Variants in ZMYM1 observed in about 807,000 individuals in gnomAD.
ZMYM1 encodes the protein zinc finger MYM-type containing 1.
ZMYM1 carries 39 observed loss-of-function variants against 60.0 expected under a neutral mutation model. That is an observed-to-expected ratio of 0.65 (90% CI 0.50 to 0.85). The LOEUF (loss-of-function observed/expected upper bound fraction) is 0.85, where lower values mean the gene tolerates loss of function less well. Among genes scored for constraint, ZMYM1 ranks in the 40% least tolerant of loss-of-function variants. ZMYM1 has a pLI of 0.00. For synonymous variants in ZMYM1, 413 were observed against 454.0 expected, an observed-to-expected ratio of 0.91 and a Z score of 1.15; for missense variants, 1,171 against 1,309.5, an observed-to-expected ratio of 0.89 and a Z score of 1.63.
chr1:35,085,394 G>T (rs1400771477), intron 1 of ZMYM1, among the ~76,000 whole-genome samples: 1 of 152,204 alleles, frequency 6.6e-6, no homozygotes, highest in Non-Finnish European at 1.5e-5. Flanking sequence ...CTGGAGCTCA[G>T]TTGGTTTCCA....
intron 1 of ZMYM1, among the ~76,000 whole-genome samples, chr1:35,063,261 G>A (rs1641907976): frequency 1.3e-5 from 2 of 151,778 alleles, no homozygotes; most frequent in African/African-American, 2.4e-5. Flanking sequence ...AGAGTAGCTG[G>A]GACTACAGGA....
At chr1:35,061,233 G>A (rs1020276182) in intron 1 of ZMYM1, among the ~76,000 whole-genome samples, 5 of 152,200 alleles carry the variant, frequency 3.3e-5, no homozygotes, top group African/African-American at 1.2e-4. Flanking sequence ...CAGGCACCAC[G>A]CTGGGTGCTT....
At chr1:35,082,719 C>T (rs1357120016) in intron 1 of ZMYM1, among the ~76,000 whole-genome samples, 1 of 151,552 alleles carries the variant, frequency 6.6e-6, no homozygotes, top group Non-Finnish European at 1.5e-5. Flanking sequence ...GTGGCTCACC[C>T]CTGTAATCCC....
chr1:35,104,126 G>GA, intron 4 of ZMYM1, 169 bp from the exon 5 acceptor site: 1 of 598,004 alleles, frequency 1.7e-6, no homozygotes, highest in East Asian at 2.9e-5. Flanking sequence ...GTATAGATGA[G>GA]AAAATTAAAA....
In ZMYM1 at chr1:35,113,606, G is replaced by T. The variant is rs1201093254; in HGVS notation, c.1776G>T (p.Met592Ile). Residue 592 changes from methionine (M) to isoleucine (I), a missense_variant, in exon 10 of 10, where the codon ATG becomes ATT. Coordinates refer to ENST00000359858, the MANE Select transcript of ZMYM1 (RefSeq NM_024772.5). The stretch of plus-strand genomic sequence containing the variant: ...GCAATTTTTTAGAATTGTTAGAAAT[G>T]AGAGCAAAAGATAAAGGAGAAGAAA... ...NKGNFLELLEMRAKDKGEETF... is the reference protein window; with the variant it reads ...NKGNFLELLEIRAKDKGEETF... 6.2e-7 allele frequency: 1 copy of T among 1,613,714 alleles called. No individual in the cohort carries two copies. The highest frequency in any genetic ancestry group is 2.2e-5 in the East Asian group (1 of 44,836).
chr1:35,112,323 G>A lies in ZMYM1; in HGVS notation c.1146+193G>A, dbSNP rs190700540. Among the ~76,000 whole-genome samples, 8 of 151,490 alleles carry A rather than the reference G, an allele frequency of 5.3e-5. No homozygotes were observed. The East Asian group carries it at 7.8e-4, about 15-fold the overall frequency. On this transcript the variant is annotated intron_variant, in intron 9 of 9. Transcript: ENST00000359858. ...CTCCTGAGTAGCTGGGATTACCAGC[G>A]CCTGCTACCATGCCCAGTTAATTTT...
intron 3 of ZMYM1, among the ~76,000 whole-genome samples, chr1:35,097,104 G>A (rs1262161297): frequency 1.3e-5 from 2 of 152,130 alleles, no homozygotes; most frequent in East Asian, 1.9e-4. Context: ...GATTACAGGC[G>A]TGAGCCACCG....
At chr1:35,061,515 G>T (rs1170070300) in intron 1 of ZMYM1, among the ~76,000 whole-genome samples, 1 of 152,012 alleles carries the variant, frequency 6.6e-6, no homozygotes, top group South Asian at 2.1e-4. Flanking sequence ...GGTGGCTCAC[G>T]CCTGTAATCC....
chr1:35,076,957 A>T (rs756398637), upstream of ZMYM1, among the ~76,000 whole-genome samples: 73 of 151,598 alleles, frequency 4.8e-4, no homozygotes, highest in Non-Finnish European at 9.1e-4. Context: ...AAAAGAAAAG[A>T]AAAGAAAAAG....
chr1:35,113,633 A>G lies in ZMYM1; in HGVS notation c.1803A>G (p.Thr601=), dbSNP rs1170000381. The change falls in exon 10 of 10, where the codon ACA becomes ACG. Residue 601 remains threonine (T), a synonymous_variant. Transcript: ENST00000359858. ...EMRAKDKGEE[T]FRLMNSQVDF... ...GAGCAAAAGATAAAGGAGAAGAAACATTTCGACTTATGAATTCACAAGTTG... is the reference window on the plus strand; with the variant it reads ...GAGCAAAAGATAAAGGAGAAGAAACGTTTCGACTTATGAATTCACAAGTTG... 1 of 1,612,866 alleles carries G rather than the reference A, an allele frequency of 6.2e-7. No individual in the cohort carries two copies. Among genetic ancestry groups the G allele is most frequent in the South Asian group, 1.1e-5 (1 of 90,632 alleles).
chr1:35,071,290 G>A (rs888310658), intron 1 of ZMYM1, among the ~76,000 whole-genome samples: 9 of 151,820 alleles, frequency 5.9e-5, no homozygotes, highest in African/African-American at 1.9e-4. Flanking sequence ...TATTTTTGAT[G>A]TGCTTTTGAA....
Position 35,100,808 on chromosome 1 carries a change from C to CTTT in ZMYM1, c.419+3252_419+3254dup, listed in dbSNP as rs534389487. 4.7e-3 allele frequency among the ~76,000 whole-genome samples: 680 copies of CTTT among 144,074 alleles called. 8 individuals carry two copies. The highest frequency in any genetic ancestry group is 0.016 in the African/African-American group (634 of 39,616). The allele number at this position is 144,074 out of a possible 152,430, so 94.5% of individuals were successfully genotyped here. ...AGTTGTTCCTAATTTGTTGGCGTTTCTTTTTTTTTTTTGAGACAAGGTCCC... is the reference window on the plus strand; with the variant it reads ...AGTTGTTCCTAATTTGTTGGCGTTTCTTTTTTTTTTTTTTTGAGACAAGGTCCC... On this transcript the variant is annotated intron_variant, in intron 4 of 9. Coordinates refer to ENST00000359858, the MANE Select transcript of ZMYM1 (RefSeq NM_024772.5).
At chr1:35,099,972 C>T (rs2148530941) in intron 4 of ZMYM1, among the ~76,000 whole-genome samples, 1 of 152,270 alleles carries the variant, frequency 6.6e-6, no homozygotes, top group East Asian at 1.9e-4. Context: ...CTTACTGCAA[C>T]CTCCACCTCC....
upstream of ZMYM1, among the ~76,000 whole-genome samples, chr1:35,077,789 C>T (rs776564835): frequency 1.1e-4 from 17 of 152,180 alleles, no homozygotes; most frequent in Non-Finnish European, 2.4e-4. Context: ...CCCAAATGCT[C>T]GAGGAGACTG....
At chr1:35,108,723 T>TTTTTG (rs1643981971) in intron 6 of ZMYM1, among the ~76,000 whole-genome samples, 1 of 147,124 alleles carries the variant, frequency 6.8e-6, no homozygotes, top group Non-Finnish European at 1.5e-5. Flanking sequence ...TTTTTTTTTT[T>TTTTTG]AGACTGAGTC....
intron 1 of ZMYM1, among the ~76,000 whole-genome samples, chr1:35,089,222 C>T (rs978393692): frequency 2.6e-5 from 4 of 152,180 alleles, no homozygotes; most frequent in East Asian, 1.9e-4. Context: ...TTGTACCTCA[C>T]GTAAACCTCA....
In ZMYM1 at chr1:35,094,118, G is replaced by A. The variant is rs764857493; in HGVS notation, c.96+35G>A. ...TTCCCTTATTTCCATTATTTCTAGAGCAGCATTTAACTATAAATTTTAGTT... is the reference window on the plus strand; with the variant it reads ...TTCCCTTATTTCCATTATTTCTAGAACAGCATTTAACTATAAATTTTAGTT... On this transcript the variant is annotated intron_variant, in intron 2 of 9. Transcript: ENST00000359858. 11 of 1,565,184 alleles carry A rather than the reference G, an allele frequency of 7.0e-6. No homozygotes were observed. The South Asian group carries it at 1.3e-4, about 18-fold the overall frequency.
intron 6 of ZMYM1, among the ~76,000 whole-genome samples, chr1:35,107,452 G>C (rs1306234811): frequency 7.4e-6 from 1 of 134,268 alleles, no homozygotes; most frequent in Non-Finnish European, 1.6e-5. Flanking sequence ...CTGGGCGACA[G>C]AGCGAGACTC....
Position 35,114,831 on chromosome 1 carries a change from T to G in ZMYM1, c.3001T>G (p.Trp1001Gly), listed in dbSNP as rs762442577. Residue 1001 changes from tryptophan to glycine, a missense_variant, in exon 10 of 10, where the codon TGG becomes GGG. Physicochemically the swap from Trp to Gly is radical, Grantham distance 184 (BLOSUM62 -2). Transcript: ENST00000359858. Reference sequence around the variant, plus strand: ...GCAAATTTCAGAACTGTTATTTAAATGGAATGAACCATTAAATGAAACAAC... The same window carrying G: ...GCAAATTTCAGAACTGTTATTTAAAGGGAATGAACCATTAAATGAAACAAC... ...IKQISELLFK[W>G]NEPLNETTAK... The G allele has an allele frequency of 1.2e-6, 2 of 1,604,914 alleles. No homozygotes were observed. Among genetic ancestry groups the G allele is most frequent in the South Asian group, 2.3e-5 (2 of 88,518 alleles).
Sources: gnomAD v4.1 joint callset for allele counts (sites outside exome capture counted in the v4.1 genomes callset) on GRCh38, gnomAD v4.1.1 for gene constraint, MANE v1.5 for transcripts, NCBI Gene and HGNC (gene_info 2026-07-23, HGNC 2026-07-21) for gene names.